Variants in CSMD2 observed in about 807,000 individuals in gnomAD.
CSMD2 encodes the protein CUB and sushi domain-containing protein 2.
A neutral mutation model predicts 398.5 loss-of-function variants in CSMD2; 130 were observed. The ratio of observed to expected loss-of-function variants is 0.33; its 90% CI spans 0.28 to 0.38. CSMD2 has a LOEUF of 0.38. Among genes scored for constraint, CSMD2 ranks in the 10% least tolerant of loss-of-function variants. The pLI, the probability that CSMD2 is intolerant of heterozygous loss-of-function variation, is 1.00. For synonymous variants in CSMD2, 1,828 were observed against 1,908.5 expected (o/e 0.96, Z 1.10); for missense variants, 3,829 against 4,764.9 (o/e 0.80, Z 5.78).
At chr1:33,543,385 G>A (rs1414774650) in intron 57 of CSMD2, among the ~76,000 whole-genome samples, 2 of 152,280 alleles carry the variant, frequency 1.3e-5, no homozygotes, top group East Asian at 3.9e-4. Context: ...CACACTTTCT[G>A]GATTTTGCTA....
At chr1:34,165,459 G>A (rs1641803812), upstream of CSMD2, among the ~76,000 whole-genome samples, 2 of 152,222 alleles carry the variant, frequency 1.3e-5, no homozygotes, top group Admixed American at 6.5e-5. Flanking sequence ...TCCACCTCCA[G>A]ATAAACCACA....
intron 3 of CSMD2, among the ~76,000 whole-genome samples, chr1:33,942,863 T>C (rs1018002489): frequency 8.5e-5 from 13 of 152,150 alleles, no homozygotes; most frequent in Non-Finnish European, 1.6e-4. Flanking sequence ...TCTCCTAGAG[T>C]TTCCTGTCCT....
intron 2 of CSMD2, among the ~76,000 whole-genome samples, chr1:34,052,466 G>T (rs1024040919): frequency 1.8e-4 from 27 of 148,940 alleles, no homozygotes; most frequent in South Asian, 4.4e-4. Context: ...ATGGGGGGGG[G>T]GTCGAGAAAT....
chr1:33,935,024 AAAAAAAG>A (rs1477701130), intron 4 of CSMD2, among the ~76,000 whole-genome samples: 6 of 151,096 alleles, frequency 4.0e-5, no homozygotes, highest in African/African-American at 9.7e-5. Context: ...AAAAAAAAAA[AAAAAAAG>A]AAAAAAGAAA....
At chr1:33,963,445 C>A (rs980198148) in intron 3 of CSMD2, among the ~76,000 whole-genome samples, 1 of 152,168 alleles carries the variant, frequency 6.6e-6, no homozygotes, top group African/African-American at 2.4e-5. Flanking sequence ...AAAATGTACA[C>A]TTTGTTACAT....
At chr1:33,648,241 A>G (rs1338555287) in intron 28 of CSMD2, among the ~76,000 whole-genome samples, 1 of 152,084 alleles carries the variant, frequency 6.6e-6, no homozygotes, top group Admixed American at 6.6e-5. Context: ...GGGCACCTGT[A>G]GTCCCAACTA....
intron 3 of CSMD2, among the ~76,000 whole-genome samples, chr1:34,004,966 G>T (rs474715): frequency 0.57 from 86,902 of 152,012 alleles, 25,883 homozygotes; most frequent in African/African-American, 0.74. Flanking sequence ...CCCTGACCTG[G>T]GGGTCATTCG....
At chr1:33,722,082 T>C (rs974205239) in intron 19 of CSMD2, among the ~76,000 whole-genome samples, 3 of 152,254 alleles carry the variant, frequency 2.0e-5, no homozygotes, top group African/African-American at 7.2e-5. Context: ...CCATACCCTA[T>C]GTTTATTTAA....
At chr1:34,076,923 AAAAAAATATAT>A (rs1419455222) in intron 2 of CSMD2, among the ~76,000 whole-genome samples, 2 of 112,822 alleles carry the variant, frequency 1.8e-5, no homozygotes, top group East Asian at 4.6e-4. Context: ...AAAAAAAAAA[AAAAAAATATAT>A]ATATATATAT....
intron 3 of CSMD2, among the ~76,000 whole-genome samples, chr1:33,976,400 C>T (rs1028435123): frequency 2.0e-5 from 3 of 152,164 alleles, no homozygotes; most frequent in African/African-American, 4.8e-5. Context: ...ACTTTAGCCC[C>T]GGGGATCTGG....
At chr1:33,720,261 G>A (rs1473432133) in intron 19 of CSMD2, among the ~76,000 whole-genome samples, 1 of 152,212 alleles carries the variant, frequency 6.6e-6, no homozygotes, top group Non-Finnish European at 1.5e-5. Flanking sequence ...AAACAAGACA[G>A]ACCTATCTCT....
intron 28 of CSMD2, among the ~76,000 whole-genome samples, chr1:33,649,826 T>C (rs928901589): frequency 3.3e-5 from 5 of 152,222 alleles, no homozygotes; most frequent in African/African-American, 9.6e-5. Context: ...GGCTAAGATA[T>C]ATAGCAGGGG....
At chr1:34,137,233 T>C (rs572548560) in intron 1 of CSMD2, among the ~76,000 whole-genome samples, 11 of 152,010 alleles carry the variant, frequency 7.2e-5, no homozygotes, top group African/African-American at 2.7e-4. Flanking sequence ...CCCCATAGCC[T>C]AGACTTACTT....
chr1:33,525,259 C>T (rs763744684), intron 65 of CSMD2, among the ~76,000 whole-genome samples: 1 of 152,124 alleles, frequency 6.6e-6, no homozygotes, highest in Non-Finnish European at 1.5e-5. Flanking sequence ...CCATGTTCAT[C>T]GCAGCATCAT....
intron 25 of CSMD2, among the ~76,000 whole-genome samples, chr1:33,670,582 A>G (rs944532537): frequency 1.3e-5 from 2 of 152,008 alleles, no homozygotes; most frequent in Non-Finnish European, 2.9e-5. Flanking sequence ...CCAAAGACAT[A>G]GAATCTAGCC....
intron 1 of CSMD2, among the ~76,000 whole-genome samples, chr1:34,123,391 C>G (rs1662396836): frequency 6.6e-6 from 1 of 152,152 alleles, no homozygotes; most frequent in South Asian, 2.1e-4. Flanking sequence ...GCCCCTCCCC[C>G]TACACCTTGC....
chr1:33,561,104 A>C (rs989748308), intron 53 of CSMD2, among the ~76,000 whole-genome samples: 1 of 152,190 alleles, frequency 6.6e-6, no homozygotes, highest in African/African-American at 2.4e-5. Flanking sequence ...GATCCCACCT[A>C]AGACCCAAAT....
chr1:34,042,324 C>T (rs989099247), intron 2 of CSMD2, among the ~76,000 whole-genome samples: 1 of 152,176 alleles, frequency 6.6e-6, no homozygotes, highest in African/African-American at 2.4e-5. Flanking sequence ...ACAAGTGTTG[C>T]TTACACTTAC....
chr1:33,864,557 G>T (rs368945159), intron 5 of CSMD2: 1 of 1,614,072 alleles, frequency 6.2e-7, no homozygotes, highest in Non-Finnish European at 8.5e-7. Flanking sequence ...CGGTGGTGCA[G>T]GTGGCCAAGG....
Sources: gnomAD v4.1 joint callset for allele counts (sites outside exome capture counted in the v4.1 genomes callset) on GRCh38, gnomAD v4.1.1 for gene constraint, MANE v1.5 for transcripts, NCBI Gene and HGNC (gene_info 2026-07-23, HGNC 2026-07-21) for gene names.